CUX1: variants seen among roughly 807,000 people sequenced by gnomAD.
CUX1 encodes the protein protein CASP.
CUX1 carries 31 observed loss-of-function variants against 158.8 expected under a neutral mutation model. That is an observed-to-expected ratio of 0.20 (90% confidence interval 0.15 to 0.26). The LOEUF (loss-of-function observed/expected upper bound fraction) is 0.26, where lower values mean the gene tolerates loss of function less well. Ranked by LOEUF, CUX1 falls within the 10% of genes least tolerant of loss-of-function variation. The pLI, the probability that CUX1 is intolerant of heterozygous loss-of-function variation, is 1.00. For synonymous variants in CUX1, 879 were observed against 862.1 expected, an observed-to-expected ratio of 1.02 and a Z score of -0.34; for missense variants, 1,589 against 2,014.6, an observed-to-expected ratio of 0.79 and a Z score of 4.04.
intron 4 of CUX1, among the ~76,000 whole-genome samples, chr7:102,092,937 G>GAA (rs1491060309): frequency 2.0e-5 from 1 of 48,804 alleles, no homozygotes; most frequent in African/African-American, 1.0e-4. Context: ...AAAAAAGAAA[G>GAA]AAAGAAAAGA....
Position 102,250,453 on chromosome 7 carries a change from C to T in CUX1, c.*1411C>T, listed in dbSNP as rs912314261. ...CCCAGGCCTGGGCAGGGCTTACACGCGCACTCTCTCTCTTCTTTCCCTTTT... is the reference window on the plus strand; with the variant it reads ...CCCAGGCCTGGGCAGGGCTTACACGTGCACTCTCTCTCTTCTTTCCCTTTT... On this transcript the variant is annotated 3_prime_UTR_variant, in exon 24 of 24. Transcript: ENST00000292535. 13 of 985,376 alleles carry T rather than the reference C, an allele frequency of 1.3e-5. No individual in the cohort carries two copies. In the East Asian group the frequency reaches 3.4e-4, roughly 26 times the overall value. 61.0% of individuals were successfully genotyped at this position (985,376 alleles called of 1,614,324 possible).
intron 14 of CUX1, among the ~76,000 whole-genome samples, chr7:102,270,028 G>A (rs571523651): frequency 6.6e-6 from 1 of 152,328 alleles, no homozygotes; most frequent in East Asian, 1.9e-4. Flanking sequence ...CCTGGGTTCT[G>A]TACAGCGATG....
At chr7:102,012,803 G>A (rs533775825) in intron 2 of CUX1, among the ~76,000 whole-genome samples, 1 of 152,216 alleles carries the variant, frequency 6.6e-6, no homozygotes, top group African/African-American at 2.4e-5. Context: ...TTCCCCCAGA[G>A]AATTCTTAAA....
chr7:102,281,725 C>A, intron 20 of CUX1: 1 of 718,938 alleles, frequency 1.4e-6, no homozygotes, highest in Non-Finnish European at 2.5e-6. Context: ...GGGGCCCCAG[C>A]TTCCTGTCCC....
intron 20 of CUX1, among the ~76,000 whole-genome samples, chr7:102,220,490 T>C (rs1261180932): frequency 5.9e-5 from 9 of 152,250 alleles, no homozygotes; most frequent in African/African-American, 2.2e-4. Context: ...GGAGCAGGTC[T>C]GGTGCCCACA....
intron 2 of CUX1, among the ~76,000 whole-genome samples, chr7:101,930,546 A>G (rs962986347): frequency 2.0e-5 from 3 of 152,190 alleles, no homozygotes; most frequent in Non-Finnish European, 4.4e-5. Context: ...GTTATTGACT[A>G]ACATTGGCTT....
chr7:102,160,156 A>T (rs957383074), intron 9 of CUX1, among the ~76,000 whole-genome samples: 5 of 151,400 alleles, frequency 3.3e-5, no homozygotes, highest in African/African-American at 1.2e-4. Context: ...TCCAGCTTGG[A>T]TGACAGAGCG....
chr7:102,121,774 A>G (rs1554493580), intron 8 of CUX1, among the ~76,000 whole-genome samples: 1 of 152,168 alleles, frequency 6.6e-6, no homozygotes, highest in African/African-American at 2.4e-5. Flanking sequence ...AGTCCCAGGA[A>G]CACGCAGATT....
chr7:101,836,418 A>G (rs1299385797), intron 1 of CUX1, among the ~76,000 whole-genome samples: 1 of 152,074 alleles, frequency 6.6e-6, no homozygotes, highest in African/African-American at 2.4e-5. Flanking sequence ...CTACAAAAAA[A>G]ATGGCTGTTG....
chr7:102,172,862 G>A (rs1343544397), intron 10 of CUX1, among the ~76,000 whole-genome samples: 1 of 152,220 alleles, frequency 6.6e-6, no homozygotes, highest in East Asian at 1.9e-4. Flanking sequence ...AGGAGTTTGA[G>A]ACCGGCCAGG....
intron 8 of CUX1, among the ~76,000 whole-genome samples, chr7:102,143,285 A>G (rs1193684319): frequency 6.6e-6 from 1 of 151,960 alleles, no homozygotes; most frequent in Admixed American, 6.6e-5. Context: ...TTTCTTTTTT[A>G]TGAGACAGAG....
intron 6 of CUX1, 100 bp downstream of exon 6, chr7:102,104,559 G>A (rs1830137173): frequency 1.4e-6 from 2 of 1,475,090 alleles, no homozygotes; most frequent in African/African-American, 1.4e-5. Context: ...AATAAGCCCA[G>A]GTTGTAACCC....
chr7:101,833,901 C>T (rs984819141), intron 1 of CUX1, among the ~76,000 whole-genome samples: 20 of 152,212 alleles, frequency 1.3e-4, no homozygotes, highest in African/African-American at 4.6e-4. Context: ...CTCCTTCTAA[C>T]GGGGGGTGCA....
At chr7:102,132,950 C>T (rs1186259248) in intron 8 of CUX1, among the ~76,000 whole-genome samples, 2 of 152,182 alleles carry the variant, frequency 1.3e-5, no homozygotes, top group Admixed American at 6.5e-5. Flanking sequence ...GGATTACAGG[C>T]GTGAGCCACC....
chr7:102,281,223 A>C (rs1792038650), intron 20 of CUX1, among the ~76,000 whole-genome samples: 1 of 152,104 alleles, frequency 6.6e-6, no homozygotes, highest in African/African-American at 2.4e-5. Flanking sequence ...AAATAAAATT[A>C]GCCAGGCGCA....
At chr7:102,276,542 T>A (rs1372473255) in intron 17 of CUX1, among the ~76,000 whole-genome samples, 1 of 152,232 alleles carries the variant, frequency 6.6e-6, no homozygotes, top group Admixed American at 6.5e-5. Context: ...CCTCAGGTGA[T>A]CTGCCCACCT....
chr7:102,159,896 T>C (rs1266305327), intron 9 of CUX1, among the ~76,000 whole-genome samples: 1 of 149,500 alleles, frequency 6.7e-6, no homozygotes, highest in African/African-American at 2.5e-5. Flanking sequence ...CTACCCAGCC[T>C]TGGGCTGGGT....
chr7:102,166,623 G>A (rs562737681), intron 9 of CUX1, among the ~76,000 whole-genome samples: 2 of 152,174 alleles, frequency 1.3e-5, no homozygotes, highest in Non-Finnish European at 2.9e-5. Flanking sequence ...CCAATGATGG[G>A]CTACGCTTAC....
intron 14 of CUX1, among the ~76,000 whole-genome samples, chr7:102,270,996 C>A (rs897003456): frequency 6.6e-6 from 1 of 152,314 alleles, no homozygotes; most frequent in African/African-American, 2.4e-5. Flanking sequence ...TTGCTGCCAC[C>A]CCAGGGACCT....
Sources: gnomAD v4.1 joint callset for allele counts (sites outside exome capture counted in the v4.1 genomes callset) on GRCh38, gnomAD v4.1.1 for gene constraint, MANE v1.5 for transcripts, NCBI Gene and HGNC (gene_info 2026-07-23, HGNC 2026-07-21) for gene names.